TRIM69: variants seen among roughly 807,000 people sequenced by gnomAD.
The protein encoded by TRIM69 is tripartite motif containing 69.
Under a neutral mutation model 37.7 loss-of-function variants are expected in TRIM69, and 29 were observed. The observed-to-expected ratio is 0.77, with a 90% CI of 0.57 to 1.05. The LOEUF (loss-of-function observed/expected upper bound fraction) is 1.05, where lower values mean the gene tolerates loss of function less well. TRIM69 is among the 50% of genes least tolerant of loss of function. The pLI, the probability that TRIM69 is intolerant of heterozygous loss-of-function variation, is 0.00. For synonymous variants in TRIM69, 209 were observed against 212.4 expected (o/e 0.98, Z 0.14); for missense variants, 596 against 579.9 (o/e 1.03, Z -0.28).
chr15:44,743,052 T>A (rs1012260014), intron 1 of TRIM69, among the ~76,000 whole-genome samples: 2 of 152,084 alleles, frequency 1.3e-5, no homozygotes, highest in Non-Finnish European at 2.9e-5. Flanking sequence ...TCATGCTACC[T>A]GACTTCAAAC....
At chr15:44,758,904 G>A (rs1566898153) in intron 4 of TRIM69, 50 bp downstream of exon 4, 2 of 1,565,642 alleles carry the variant, frequency 1.3e-6, no homozygotes, top group Non-Finnish European at 8.7e-7. Context: ...CCTAGAGGGG[G>A]GAAGAGGTTT....
Position 44,759,648 on chromosome 15 carries a change from A to C in TRIM69, c.822A>C (p.Thr274=). 1.2e-6 allele frequency: 2 copies of C among 1,614,044 alleles called. No homozygotes were observed. Among genetic ancestry groups the C allele is most frequent in the Non-Finnish European group, 1.7e-6 (2 of 1,179,934 alleles). ...QNSFDFLKDI[T]TLLHSLEQGM... ...TTTCTCCTTTCTTCTAGGACATCACAACTCTCTTACATAGGTAAGTGTTTC... is the reference window on the plus strand; with the variant it reads ...TTTCTCCTTTCTTCTAGGACATCACCACTCTCTTACATAGGTAAGTGTTTC... Residue 274 remains threonine, a synonymous_variant, in exon 5 of 7, where the codon ACA becomes ACC. Transcript: ENST00000329464.
At chr15:44,748,354 T>C (rs2087450319) in intron 1 of TRIM69, among the ~76,000 whole-genome samples, 1 of 152,168 alleles carries the variant, frequency 6.6e-6, no homozygotes, top group South Asian at 2.1e-4. Context: ...ACCCAGGAAG[T>C]ATGGGCATAG....
At chr15:44,747,569 G>A (rs756953328) in intron 1 of TRIM69, among the ~76,000 whole-genome samples, 5 of 152,182 alleles carry the variant, frequency 3.3e-5, no homozygotes, top group Non-Finnish European at 7.3e-5. Flanking sequence ...AGTGAGAAGC[G>A]TCAACATCTG....
chr15:44,741,023 G>A (rs1372591051), intron 1 of TRIM69, among the ~76,000 whole-genome samples: 76 of 145,394 alleles, frequency 5.2e-4, no homozygotes, highest in South Asian at 1.3e-3. Flanking sequence ...ATTTTTTTCA[G>A]CACCACACCA....
chr15:44,738,050 C>CTTTTTTTTTTTT (rs772041054), intron 1 of TRIM69, among the ~76,000 whole-genome samples: 14 of 118,000 alleles, frequency 1.2e-4, no homozygotes, highest in African/African-American at 4.3e-4. Flanking sequence ...TACTTTCTTT[C>CTTTTTTTTTTTT]TTTCTTTTTT....
At chr15:44,764,245 T>G (rs966189081) in intron 6 of TRIM69, among the ~76,000 whole-genome samples, 60 of 152,336 alleles carry the variant, frequency 3.9e-4, no homozygotes, top group Middle Eastern at 3.4e-3. Flanking sequence ...GATTTTTAAA[T>G]TTTTGGTATA....
intron 1 of TRIM69, chr15:44,754,014 C>A (rs1161764598): frequency 6.6e-6 from 1 of 152,250 alleles, no homozygotes; most frequent in African/African-American, 2.4e-5. Flanking sequence ...CAGTGCCCGG[C>A]TGCTTCAAAC....
intron 1 of TRIM69, chr15:44,754,006 G>A (rs898531621): frequency 6.6e-6 from 1 of 152,206 alleles, no homozygotes; most frequent in Admixed American, 6.5e-5. Flanking sequence ...TTGAGCCGCA[G>A]TGCCCGGCTG....
intron 1 of TRIM69, among the ~76,000 whole-genome samples, chr15:44,743,615 C>G (rs2087339788): frequency 6.6e-6 from 1 of 152,050 alleles, no homozygotes; most frequent in African/African-American, 2.4e-5. Flanking sequence ...AACAAATTTA[C>G]AAGAAAAAAA....
At chr15:44,764,282 A>G (rs942182572) in intron 6 of TRIM69, among the ~76,000 whole-genome samples, 2 of 152,212 alleles carry the variant, frequency 1.3e-5, no homozygotes, top group African/African-American at 4.8e-5. Context: ...ACCAAATGAG[A>G]TTTATTTAAT....
chr15:44,737,562 A>G (rs1053614384), intron 1 of TRIM69, among the ~76,000 whole-genome samples: 1 of 152,194 alleles, frequency 6.6e-6, no homozygotes, highest in Non-Finnish European at 1.5e-5. Flanking sequence ...TGAGTTTCCC[A>G]TTACTTCAGA....
intron 1 of TRIM69, among the ~76,000 whole-genome samples, chr15:44,739,099 C>T (rs2087222978): frequency 6.6e-6 from 1 of 152,170 alleles, no homozygotes; most frequent in African/African-American, 2.4e-5. Flanking sequence ...CAAAGTTGTA[C>T]AATTATCACC....
chr15:44,739,637 A>G (rs1389825456), intron 1 of TRIM69, among the ~76,000 whole-genome samples: 2 of 152,194 alleles, frequency 1.3e-5, no homozygotes, highest in South Asian at 4.1e-4. Flanking sequence ...CTAGCACAGC[A>G]GTCTGAGATC....
intron 1 of TRIM69, among the ~76,000 whole-genome samples, chr15:44,749,254 G>A (rs113226543): frequency 1.5e-5 from 2 of 136,052 alleles, no homozygotes; most frequent in African/African-American, 2.7e-5. Flanking sequence ...AATCTTTTAA[G>A]ATGTACAATT....
intron 1 of TRIM69, among the ~76,000 whole-genome samples, chr15:44,748,363 A>G (rs2087450523): frequency 6.6e-6 from 1 of 152,180 alleles, no homozygotes; most frequent in South Asian, 2.1e-4. Flanking sequence ...GTATGGGCAT[A>G]GAAACAAAGC....
At chr15:44,765,311 G>A (rs1403505229) in intron 6 of TRIM69, among the ~76,000 whole-genome samples, 1 of 152,170 alleles carries the variant, frequency 6.6e-6, no homozygotes, top group Non-Finnish European at 1.5e-5. Flanking sequence ...AGAGAGCAGA[G>A]TGGGATTCCA....
chr15:44,743,217 G>C (rs1401510860), intron 1 of TRIM69, among the ~76,000 whole-genome samples: 4 of 152,168 alleles, frequency 2.6e-5, no homozygotes, highest in African/African-American at 7.2e-5. Context: ...ATGGGGAAAG[G>C]ATTCCCTATT....
chr15:44,754,330 G>C (rs2087597622), intron 1 of TRIM69: 1 of 151,870 alleles, frequency 6.6e-6, no homozygotes, highest in Non-Finnish European at 1.5e-5. Flanking sequence ...AGTAGAGATG[G>C]CTAACCATCC....
Sources: allele counts gnomAD v4.1 joint callset (sites outside exome capture counted in the v4.1 genomes callset), GRCh38; gene constraint gnomAD v4.1.1; transcripts MANE v1.5; gene names NCBI Gene and HGNC (gene_info 2026-07-23, HGNC 2026-07-21).